Variants in RAB11FIP4 observed in about 807,000 individuals in gnomAD.
The protein encoded by RAB11FIP4 is RAB11 family interacting protein 4.
Under a neutral mutation model 74.3 loss-of-function variants are expected in RAB11FIP4, and 23 were observed. That is an observed-to-expected ratio of 0.31 (90% CI 0.22 to 0.44). RAB11FIP4 has a LOEUF of 0.44. RAB11FIP4 is among the 20% of genes least tolerant of loss of function. The pLI is 1.00. For missense variants in RAB11FIP4, 630 were observed against 863.9 expected, an observed-to-expected ratio of 0.73 and a Z score of 3.39; for synonymous variants, 360 against 359.9, an observed-to-expected ratio of 1.00 and a Z score of 0.00.
intron 10 of RAB11FIP4, chr17:31,526,071 A>G (rs1397464537): frequency 6.6e-6 from 1 of 152,024 alleles, no homozygotes; most frequent in African/African-American, 2.4e-5. Flanking sequence ...TGGTGAGGAG[A>G]CTTCCCAACT....
Position 31,528,699 on chromosome 17 carries a change from G to A in RAB11FIP4, c.1574G>A (p.Ser525Asn). The A allele has an allele frequency of 6.2e-7, 1 of 1,612,592 alleles. No individual in the cohort carries two copies. Among genetic ancestry groups the A allele is most frequent in the Non-Finnish European group, 8.5e-7 (1 of 1,179,672 alleles). ...LDCERPGRGR[S>N]ASSGLGEFNA... is the part of the protein sequence containing the mutation. Reference sequence around the variant, plus strand: ...TGCGAGCGGCCAGGCAGGGGCCGCAGTGCCTCCTCTGGCCTAGGCGAGTTC... The same window carrying A: ...TGCGAGCGGCCAGGCAGGGGCCGCAATGCCTCCTCTGGCCTAGGCGAGTTC... The change falls in exon 13 of 15, where the codon AGT becomes AAT. Residue 525 changes from serine to asparagine, a missense_variant. Ser to Asn is a conservative substitution (Grantham distance 46). Coordinates refer to ENST00000621161, the MANE Select transcript of RAB11FIP4 (RefSeq NM_032932.6).
intron 3 of RAB11FIP4, among the ~76,000 whole-genome samples, chr17:31,510,318 C>T (rs940850948): frequency 1.3e-5 from 2 of 152,222 alleles, no homozygotes; most frequent in Non-Finnish European, 2.9e-5. Context: ...CCCTGGCAAC[C>T]GCTGGACTCC....
intron 3 of RAB11FIP4, among the ~76,000 whole-genome samples, chr17:31,475,398 C>A (rs182926223): frequency 1.3e-5 from 2 of 152,218 alleles, no homozygotes; most frequent in South Asian, 4.1e-4. Flanking sequence ...ACATTCTAAG[C>A]TGTCAAGACG....
intron 3 of RAB11FIP4, among the ~76,000 whole-genome samples, chr17:31,453,122 G>A (rs930618672): frequency 2.6e-5 from 4 of 152,072 alleles, no homozygotes; most frequent in African/African-American, 9.7e-5. Context: ...AGGCCAAGGT[G>A]GATGGATTGC....
At chr17:31,441,558 G>C (rs1429286311) in intron 3 of RAB11FIP4, among the ~76,000 whole-genome samples, 1 of 151,576 alleles carries the variant, frequency 6.6e-6, no homozygotes. Context: ...ACAGGGTCTT[G>C]CTCTTATTGC....
intron 4 of RAB11FIP4, among the ~76,000 whole-genome samples, chr17:31,520,547 G>A (rs545055167): frequency 1.4e-4 from 22 of 151,900 alleles, no homozygotes; most frequent in East Asian, 5.8e-4. Context: ...TCCCTCTGTC[G>A]CCCAGGCTGG....
intron 3 of RAB11FIP4, among the ~76,000 whole-genome samples, chr17:31,458,926 G>T (rs769072443): frequency 2.0e-4 from 30 of 152,184 alleles, no homozygotes; most frequent in Non-Finnish European, 3.8e-4. Flanking sequence ...TACATGCACA[G>T]TCATGTGTGT....
At chr17:31,441,036 T>C (rs1299136823) in intron 3 of RAB11FIP4, among the ~76,000 whole-genome samples, 1 of 152,074 alleles carries the variant, frequency 6.6e-6, no homozygotes, top group African/African-American at 2.4e-5. Context: ...GTTTTTTGGG[T>C]TTTTTGAGAT....
chr17:31,482,138 G>A (rs944451821), intron 3 of RAB11FIP4, among the ~76,000 whole-genome samples: 5 of 152,178 alleles, frequency 3.3e-5, no homozygotes, highest in African/African-American at 9.7e-5. Context: ...GTTAGGGAGA[G>A]CCCAGAACCC....
intron 3 of RAB11FIP4, among the ~76,000 whole-genome samples, chr17:31,441,954 A>G (rs2071410282): frequency 6.6e-6 from 1 of 152,190 alleles, no homozygotes; most frequent in African/African-American, 2.4e-5. Context: ...TCATCACATG[A>G]AGACAACCAA....
chr17:31,477,973 T>C (rs2071810830), intron 3 of RAB11FIP4, among the ~76,000 whole-genome samples: 1 of 151,326 alleles, frequency 6.6e-6, no homozygotes, highest in Non-Finnish European at 1.5e-5. Flanking sequence ...TATTAAGTGC[T>C]ATGTGGCCAT....
chr17:31,403,751 A>G (rs2071017649), intron 1 of RAB11FIP4, among the ~76,000 whole-genome samples: 1 of 152,232 alleles, frequency 6.6e-6, no homozygotes. Flanking sequence ...CAGGTTCTAA[A>G]GCTGCCTTTT....
At chr17:31,524,152 G>T (rs2072722054) in intron 9 of RAB11FIP4, 156 bp downstream of exon 9, 3 of 629,350 alleles carry the variant, frequency 4.8e-6, no homozygotes, top group African/African-American at 1.8e-5. Context: ...CTGCCCACAT[G>T]TGGTGCCCAG....
intron 3 of RAB11FIP4, among the ~76,000 whole-genome samples, chr17:31,486,129 G>C (rs890692007): frequency 6.6e-6 from 1 of 152,134 alleles, no homozygotes; most frequent in African/African-American, 2.4e-5. Context: ...AGCTACTTGG[G>C]AGGCTGAGGC....
intron 10 of RAB11FIP4, chr17:31,525,764 G>A (rs2072755861): frequency 6.3e-6 from 1 of 159,266 alleles, no homozygotes; most frequent in Non-Finnish European, 1.4e-5. Flanking sequence ...GCGGCTGTGT[G>A]GGTGGGTGAG....
chr17:31,502,210 C>CGAT (rs1192427606), intron 3 of RAB11FIP4, among the ~76,000 whole-genome samples: 1 of 147,582 alleles, frequency 6.8e-6, no homozygotes, highest in Non-Finnish European at 1.5e-5. Context: ...GTTGACAGAG[C>CGAT]GATACCTTGT....
Position 31,485,728 on chromosome 17 carries a change from G to A in RAB11FIP4, c.337-31923G>A, listed in dbSNP as rs137882083. Among the ~76,000 whole-genome samples, 6 of 152,284 alleles carry A rather than the reference G, an allele frequency of 3.9e-5. No homozygotes were observed. In the East Asian group the frequency reaches 9.7e-4, roughly 25 times the overall value. On this transcript the variant is annotated intron_variant, in intron 3 of 14. Transcript: ENST00000621161. ...CAATCGCATACCACACCTTTGAGGA[G>A]TGCCTAAAATTAAGTGTAGTCACTG... is the stretch of plus-strand genomic sequence containing the variant.
At chr17:31,419,887 G>C (rs1025978147) in intron 1 of RAB11FIP4, among the ~76,000 whole-genome samples, 1 of 152,164 alleles carries the variant, frequency 6.6e-6, no homozygotes, top group East Asian at 1.9e-4. Flanking sequence ...GTTTGGTTTG[G>C]GTAACAGGGT....
intron 1 of RAB11FIP4, among the ~76,000 whole-genome samples, chr17:31,422,825 A>G (rs1217940759): frequency 1.3e-5 from 2 of 152,022 alleles, no homozygotes; most frequent in Admixed American, 1.3e-4. Context: ...TTACTGAACC[A>G]TGGAGCATGG....
Sources: gnomAD v4.1 joint callset for allele counts (sites outside exome capture counted in the v4.1 genomes callset) on GRCh38, gnomAD v4.1.1 for gene constraint, MANE v1.5 for transcripts, NCBI Gene and HGNC (gene_info 2026-07-23, HGNC 2026-07-21) for gene names.